LAMA2: variants seen among roughly 807,000 people sequenced by gnomAD.
The protein encoded by LAMA2 is laminin subunit alpha 2, also known as laminin subunit alpha-2.
Under a neutral mutation model 364.8 loss-of-function variants are expected in LAMA2, and 269 were observed. The observed-to-expected ratio is 0.74, with a 90% CI of 0.67 to 0.82. The LOEUF (loss-of-function observed/expected upper bound fraction) is 0.82. Ranked by LOEUF, LAMA2 falls within the 40% of genes least tolerant of loss-of-function variation. The probability of loss-of-function intolerance (pLI) is 0.00; values close to 1 mark genes in which losing one functional copy is unlikely to be tolerated. For synonymous variants in LAMA2, 1,379 were observed against 1,370.6 expected (o/e 1.01, Z -0.14); for missense variants, 3,807 against 3,873.2 (o/e 0.98, Z 0.45).
At chr6:129,445,639 A>G (rs754579449) in intron 44 of LAMA2, 28 bp from the exon 45 acceptor site, 20 of 1,587,074 alleles carry the variant, frequency 1.3e-5, no homozygotes, top group South Asian at 2.2e-5. Flanking sequence ...GCATGCATAT[A>G]CATGCACACT....
intron 1 of LAMA2, among the ~76,000 whole-genome samples, chr6:129,015,149 G>A (rs572478244): frequency 2.0e-5 from 3 of 152,168 alleles, no homozygotes; most frequent in South Asian, 2.1e-4. Flanking sequence ...TGTACAAACC[G>A]TGAATAGAGA....
At chr6:128,944,844 C>T (rs1369515702) in intron 1 of LAMA2, among the ~76,000 whole-genome samples, 1 of 152,022 alleles carries the variant, frequency 6.6e-6, no homozygotes, top group Non-Finnish European at 1.5e-5. Flanking sequence ...TTAAAATGAC[C>T]TCATGAGAAC....
chr6:128,937,923 A>G (rs1257081659), intron 1 of LAMA2, among the ~76,000 whole-genome samples: 3 of 151,700 alleles, frequency 2.0e-5, no homozygotes, highest in African/African-American at 7.3e-5. Context: ...TATCAATGTA[A>G]ACTTCTCTCT....
chr6:128,929,251 A>C, intron 1 of LAMA2: 1 of 1,436,098 alleles, frequency 7.0e-7, no homozygotes, highest in South Asian at 1.1e-5. Flanking sequence ...ACTGTAAGAG[A>C]CCGTCAATGG....
chr6:129,479,711 TAGGGAAATGA>T (rs1249142502), intron 54 of LAMA2: 1 of 152,090 alleles, frequency 6.6e-6, no homozygotes, highest in Non-Finnish European at 1.5e-5. Context: ...CCAATAGAAT[TAGGGAAATGA>T]AGGGAAAATG....
intron 4 of LAMA2, among the ~76,000 whole-genome samples, chr6:129,107,253 A>G (rs1775885977): frequency 6.6e-6 from 1 of 152,168 alleles, no homozygotes; most frequent in Non-Finnish European, 1.5e-5. Context: ...GGTTATAATA[A>G]CGATCAAATT....
At chr6:129,026,188 T>A (rs1346544493) in intron 1 of LAMA2, among the ~76,000 whole-genome samples, 1 of 151,840 alleles carries the variant, frequency 6.6e-6, no homozygotes, top group East Asian at 1.9e-4. Flanking sequence ...AAAATCATGA[T>A]ATCAATTATC....
At chr6:128,966,112 T>TA (rs1292071381) in intron 1 of LAMA2, among the ~76,000 whole-genome samples, 3 of 151,678 alleles carry the variant, frequency 2.0e-5, no homozygotes, top group African/African-American at 7.3e-5. Context: ...AATACATTTT[T>TA]AATATTTAAA....
In LAMA2 at chr6:129,147,042, G is replaced by C. The variant is rs148655840; in HGVS notation, c.903G>C (p.Ala301=). ...CCAGGGCTTGTCCACTTGATCCAGC[G>C]ACAAATGTATGTATATTTATAGGAT... ...GHARACPLDP[A]TNKSRCECEH... Residue 301 remains alanine (A), a synonymous_variant, in exon 6 of 65, where the codon GCG becomes GCC. Coordinates refer to ENST00000421865, the MANE Select transcript of LAMA2 (RefSeq NM_000426.4). 1.2e-5 allele frequency: 19 copies of C among 1,596,428 alleles called. No individual in the cohort carries two copies. Among genetic ancestry groups the C allele is most frequent in the Non-Finnish European group, 1.5e-5 (17 of 1,164,210 alleles).
chr6:129,343,277 G>A (rs1239787624), intron 30 of LAMA2, among the ~76,000 whole-genome samples: 1 of 152,200 alleles, frequency 6.6e-6, no homozygotes, highest in Non-Finnish European at 1.5e-5. Context: ...TATCTTGAGT[G>A]TTAAACAGCC....
intron 26 of LAMA2, 43 bp from the exon 27 acceptor site, chr6:129,315,995 T>G: frequency 6.2e-7 from 1 of 1,613,894 alleles, no homozygotes; most frequent in Non-Finnish European, 8.5e-7. Context: ...ATCAATGGTT[T>G]TGCATTCAGT....
At chr6:129,046,424 C>G (rs1275835681) in intron 1 of LAMA2, among the ~76,000 whole-genome samples, 1 of 152,140 alleles carries the variant, frequency 6.6e-6, no homozygotes, top group African/African-American at 2.4e-5. Context: ...TGGTGGCAGG[C>G]AAGAGAGCAT....
intron 1 of LAMA2, among the ~76,000 whole-genome samples, chr6:128,952,846 C>T (rs1780914764): frequency 6.6e-6 from 1 of 152,128 alleles, no homozygotes; most frequent in African/African-American, 2.4e-5. Context: ...ACAGAGGAGA[C>T]CTGCCTTAGC....
At position 129,252,251 on chromosome 6, in the gene LAMA2, C is replaced by T. The variant is rs764501944; in HGVS notation, c.2052C>T (p.Val684=). ...CAGTGCTTGCGAATTTGAAGAGAGTCCTCCTACAAATCACATACAGCTTTG... is the reference window on the plus strand; with the variant it reads ...CAGTGCTTGCGAATTTGAAGAGAGTTCTCCTACAAATCACATACAGCTTTG... The part of the protein sequence containing the change: ...FMTVLANLKR[V]LLQITYSFGM... The change falls in exon 14 of 65, where the codon GTC becomes GTT. Residue 684 remains valine, a synonymous_variant. Transcript: ENST00000421865. 3 of 1,613,926 alleles carry T rather than the reference C, an allele frequency of 1.9e-6. No individual in the cohort carries two copies. The highest frequency in any genetic ancestry group is 1.7e-5 in the Admixed American group (1 of 60,012).
intron 3 of LAMA2, among the ~76,000 whole-genome samples, chr6:129,064,892 G>A (rs1227887796): frequency 6.6e-6 from 1 of 152,110 alleles, no homozygotes; most frequent in African/African-American, 2.4e-5. Context: ...AGATGAGGGA[G>A]TACTTCCAAA....
intron 58 of LAMA2, among the ~76,000 whole-genome samples, chr6:129,501,278 G>C (rs566284507): frequency 6.6e-6 from 1 of 152,292 alleles, no homozygotes; most frequent in East Asian, 1.9e-4. Context: ...GCCTCTAAAA[G>C]AGGCCATTCA....
chr6:129,088,548 C>T (rs1332269857), intron 3 of LAMA2, among the ~76,000 whole-genome samples: 5 of 150,718 alleles, frequency 3.3e-5, no homozygotes, highest in African/African-American at 9.7e-5. Context: ...CCCTCCTGGA[C>T]GGGGCGGCTG....
chr6:129,279,089 A>G (rs901234036), intron 17 of LAMA2, among the ~76,000 whole-genome samples: 1 of 152,196 alleles, frequency 6.6e-6, no homozygotes, highest in Non-Finnish European at 1.5e-5. Flanking sequence ...GTCATATATA[A>G]TAGAAAACAA....
Position 129,492,345 on chromosome 6 carries a change from C to A in LAMA2, c.8106C>A (p.Phe2702Leu). ...TGGACTTTGCAAGGCCTGTGTCCTT[C>A]AAAAATGCTGACATTGGTCGCTGTG... ...VPMDFARPVS[F>L]KNADIGRCAH... The change falls in exon 58 of 65, where the codon TTC becomes TTA. Residue 2702 changes from phenylalanine (F) to leucine (L), a missense_variant. Physicochemically the swap from Phe to Leu is conservative, Grantham distance 22 (BLOSUM62 0). This residue lies in a region of LAMA2 where 3,333 missense variants were observed against 3,345.7 expected (regional missense o/e 1.00). Transcript: ENST00000421865. The A allele has an allele frequency of 6.2e-7, 1 of 1,614,162 alleles. No individual in the cohort carries two copies. The highest frequency in any genetic ancestry group is 1.1e-5 in the South Asian group (1 of 91,082).
Sources: allele counts gnomAD v4.1 joint callset (sites outside exome capture counted in the v4.1 genomes callset), GRCh38; gene constraint gnomAD v4.1.1; regional missense constraint gnomAD v4.1.1; transcripts MANE v1.5; gene names NCBI Gene and HGNC (gene_info 2026-07-23, HGNC 2026-07-21).